Variants in MYT1 observed in about 807,000 individuals in gnomAD.
MYT1 encodes the protein myelin transcription factor 1, also known as myelin transcription factor I.
MYT1 carries 23 observed loss-of-function variants against 123.0 expected under a neutral mutation model. The ratio of observed to expected loss-of-function variants is 0.19; its 90% CI spans 0.13 to 0.26. The LOEUF (loss-of-function observed/expected upper bound fraction) is 0.26, where lower values mean the gene tolerates loss of function less well. Among genes scored for constraint, MYT1 ranks in the 10% least tolerant of loss-of-function variants. MYT1 has a pLI of 1.00. For missense variants in MYT1, 1,125 were observed against 1,472.5 expected, an observed-to-expected ratio of 0.76 and a Z score of 3.86; for synonymous variants, 518 against 575.3, an observed-to-expected ratio of 0.90 and a Z score of 1.43.
Position 64,189,642 on chromosome 20 carries a change from C to T in MYT1, c.-98-421C>T, listed in dbSNP as rs912755779. ...CTTTTTCAAATGCATATGTACTGTG[C>T]ATTCTTTTGAGGGGCAGAAGGATCT... is the stretch of plus-strand genomic sequence containing the variant. On this transcript the variant is annotated intron_variant, in intron 1 of 22. Transcript: ENST00000328439. The surrounding 1 kb of genome is among the most constrained non-coding windows in gnomAD (Gnocchi z 5.5). Among the ~76,000 whole-genome samples the T allele has an allele frequency of 6.6e-6, 1 of 152,190 alleles. No individual in the cohort carries two copies. The highest frequency in any genetic ancestry group is 2.4e-5 in the African/African-American group (1 of 41,444).
chr20:64,172,881 A>G (rs1358230153), intron 1 of MYT1, among the ~76,000 whole-genome samples: 1 of 149,230 alleles, frequency 6.7e-6, no homozygotes, highest in Non-Finnish European at 1.5e-5. Context: ...TGCATGTGCC[A>G]CCACACCTGG....
Position 64,208,087 on chromosome 20 carries a change from AGAGGAAGAGGAAGAG to A in MYT1, c.897_911del (p.Glu302_Glu306del). On this transcript the variant is annotated inframe_deletion, in exon 7 of 23. Transcript: ENST00000328439. The surrounding 1 kb of genome is among the most constrained non-coding windows in gnomAD (Gnocchi z 5.4). ...AGGAGGAAGAGGAAGAGGAGGAGGAAGAGGAAGAGGAAGAGGAGGAGGAGGAGGCAGCTCCTGATG... is the reference window on the plus strand; with the variant it reads ...AGGAGGAAGAGGAAGAGGAGGAGGAAGAGGAGGAGGAGGCAGCTCCTGATG... The A allele has an allele frequency of 1.9e-6, 3 of 1,595,118 alleles. No individual in the cohort carries two copies. The highest frequency in any genetic ancestry group is 2.6e-6 in the Non-Finnish European group (3 of 1,170,644).
In MYT1 at chr20:64,209,594, AG is replaced by A. The variant is rs575125281; in HGVS notation, c.1291+1109del. On this transcript the variant is annotated intron_variant, in intron 7 of 22. Coordinates refer to ENST00000328439, the MANE Select transcript of MYT1 (RefSeq NM_004535.3). ...GCTGAGACCAGGGAGGGAGCAGATA[AG>A]GAGAGAGAACTGGGATGGGAGATGA... Among the ~76,000 whole-genome samples, 226 of 152,266 alleles carry A rather than the reference AG, an allele frequency of 1.5e-3. 1 individual carries two copies. The highest frequency in any genetic ancestry group is 5.2e-3 in the African/African-American group (217 of 41,544).
At chr20:64,214,654 C>A (rs1983783784) in intron 10 of MYT1, among the ~76,000 whole-genome samples, 1 of 152,202 alleles carries the variant, frequency 6.6e-6, no homozygotes, top group Non-Finnish European at 1.5e-5. Context: ...ACCCTGCTCC[C>A]CACTCCCGTG....
chr20:64,178,842 G>C (rs1286561588), intron 1 of MYT1, among the ~76,000 whole-genome samples: 1 of 133,384 alleles, frequency 7.5e-6, no homozygotes, highest in Non-Finnish European at 1.6e-5. Flanking sequence ...TGGGAGCACT[G>C]AGCCGTTATT....
At chr20:64,178,584 C>T (rs1482160284) in intron 1 of MYT1, among the ~76,000 whole-genome samples, 2 of 146,638 alleles carry the variant, frequency 1.4e-5, no homozygotes, top group African/African-American at 2.6e-5. Context: ...TACCCTTCAA[C>T]GTGGCAGCAC....
intron 1 of MYT1, among the ~76,000 whole-genome samples, chr20:64,177,707 C>T (rs1471961925): frequency 1.3e-5 from 2 of 152,144 alleles, no homozygotes; most frequent in Non-Finnish European, 1.5e-5. Context: ...CTGTTTTGGA[C>T]CCGCTGCTGG....
chr20:64,239,962 C>T, intron 22 of MYT1, 59 bp downstream of exon 22: 4 of 1,587,966 alleles, frequency 2.5e-6, no homozygotes, highest in Non-Finnish European at 3.4e-6. Flanking sequence ...CTTCGGAAAG[C>T]AGGAGGGCAG....
Position 64,212,236 on chromosome 20 carries a change from T to TG in MYT1, c.1517+103dup, listed in dbSNP as rs1246764091. The TG allele has an allele frequency of 2.2e-4, 4 of 17,916 alleles. 1 individual carries two copies. The highest frequency in any genetic ancestry group is 9.4e-4 in the South Asian group (2 of 2,138). The allele number at this position is 17,916 out of a possible 1,614,324, so 1.1% of individuals were successfully genotyped here. A position where few individuals can be genotyped will look rare whatever the true frequency, so the allele number is the denominator to read the frequency against. Reference sequence around the variant, plus strand: ...GTGGGGGCCAGGGTGGGGGCCGTGGTGGGGGCCAGGGTGGGGGCCGTGGTG... The same window carrying TG: ...GTGGGGGCCAGGGTGGGGGCCGTGGTGGGGGGCCAGGGTGGGGGCCGTGGTG... On this transcript the variant is annotated intron_variant, in intron 9 of 22. Coordinates refer to ENST00000328439, the MANE Select transcript of MYT1 (RefSeq NM_004535.3). This position sits in a 1 kb window ranked among gnomAD's most constrained non-coding sequence, Gnocchi z 6.8.
At chr20:64,171,765 C>A (rs946361386) in intron 1 of MYT1, among the ~76,000 whole-genome samples, 90 of 147,476 alleles carry the variant, frequency 6.1e-4, no homozygotes, top group Non-Finnish European at 1.1e-3. Context: ...GAACCCAAAC[C>A]CTAACCCCTA....
intron 10 of MYT1, among the ~76,000 whole-genome samples, chr20:64,215,812 C>T (rs951500607): frequency 3.3e-5 from 5 of 151,294 alleles, no homozygotes; most frequent in African/African-American, 4.9e-5. Flanking sequence ...TTGCCCAAGC[C>T]GGTTTCTTAC....
chr20:64,204,929 G>C, intron 4 of MYT1, 106 bp from the exon 5 acceptor site: 2 of 1,127,420 alleles, frequency 1.8e-6, no homozygotes, highest in Admixed American at 4.2e-5. Context: ...GCCATTCTGA[G>C]GTGAATCGTC....
intron 1 of MYT1, among the ~76,000 whole-genome samples, chr20:64,173,501 T>G (rs1297418072): frequency 7.1e-6 from 1 of 141,342 alleles, no homozygotes; most frequent in Admixed American, 7.1e-5. Flanking sequence ...TTTAGTTGTG[T>G]CCATTTCCCC....
At chr20:64,183,250 C>G (rs1482050942) in intron 1 of MYT1, among the ~76,000 whole-genome samples, 1 of 152,216 alleles carries the variant, frequency 6.6e-6, no homozygotes, top group Admixed American at 6.5e-5. Flanking sequence ...AAGACTGTGC[C>G]ACTGTATTTC....
chr20:64,177,510 C>T (rs1982495421), intron 1 of MYT1, among the ~76,000 whole-genome samples: 1 of 140,008 alleles, frequency 7.1e-6, no homozygotes, highest in Non-Finnish European at 1.5e-5. Flanking sequence ...CTGTGGCCCC[C>T]CAGGGTGTGG....
rs983929490 is a variant in MYT1, at chr20:64,185,234, T to C, written c.-98-4829T>C. On this transcript the variant is annotated intron_variant, in intron 1 of 22. Coordinates refer to ENST00000328439, the MANE Select transcript of MYT1 (RefSeq NM_004535.3). The surrounding 1 kb of genome is among the most constrained non-coding windows in gnomAD (Gnocchi z 4.5). ...AGTTGATATTCCTGGGAACTTTCAT[T>C]GACAGTGGGAAGGAGGTGGGTATAA... 6.6e-6 allele frequency among the ~76,000 whole-genome samples: 1 copy of C among 152,050 alleles called. No individual in the cohort carries two copies. Among genetic ancestry groups the C allele is most frequent in the Non-Finnish European group, 1.5e-5 (1 of 67,990 alleles).
At chr20:64,188,694 C>T (rs1024048458) in intron 1 of MYT1, among the ~76,000 whole-genome samples, 1 of 152,174 alleles carries the variant, frequency 6.6e-6, no homozygotes, top group Non-Finnish European at 1.5e-5. Context: ...CAGGTGGGCC[C>T]CAGTTAGAGG....
At chr20:64,187,891 C>T (rs542336454) in intron 1 of MYT1, among the ~76,000 whole-genome samples, 3 of 152,312 alleles carry the variant, frequency 2.0e-5, no homozygotes, top group African/African-American at 7.2e-5. Flanking sequence ...CAGGTTTCAC[C>T]GGGTGCCATT....
chr20:64,239,790 A>T lies in MYT1; in HGVS notation c.3124A>T (p.Ile1042Phe), dbSNP rs1250200788. The change falls in exon 22 of 23, where the codon ATC becomes TTC. Residue 1042 changes from isoleucine (I) to phenylalanine (F), a missense_variant. Physicochemically the swap from Ile to Phe is conservative, Grantham distance 21. Around this residue, in one of 4 missense-constraint regions of MYT1, gnomAD observed 243 missense variants for 323.1 expected, o/e 0.75. Transcript: ENST00000328439. The part of the protein sequence containing the change: ...ISSMEKNLKN[I>F]EEENKLIEEQ... ...CTCCATGGAGAAGAACCTGAAGAAC[A>T]TCGAGGAGGAGAACAAGCTCATTGA... The T allele has an allele frequency of 1.2e-6, 2 of 1,613,864 alleles. No homozygotes were observed. Among genetic ancestry groups the T allele is most frequent in the Non-Finnish European group, 1.7e-6 (2 of 1,180,014 alleles).
Sources: allele counts gnomAD v4.1 joint callset (sites outside exome capture counted in the v4.1 genomes callset), GRCh38; gene constraint gnomAD v4.1.1; regional missense constraint gnomAD v4.1.1; non-coding constraint Gnocchi (gnomAD v3.1); transcripts MANE v1.5; gene names NCBI Gene and HGNC (gene_info 2026-07-23, HGNC 2026-07-21).